The following GRK1 variants were observed in gnomAD, a reference collection of about 807,000 sequenced individuals.
GRK1 encodes G protein-coupled receptor kinase 1, also known as rhodopsin kinase GRK1.
A neutral mutation model predicts 41.7 loss-of-function variants in GRK1; 28 were observed. That is an observed-to-expected ratio of 0.67 (90% CI 0.50 to 0.92). The LOEUF is 0.92. Among genes scored for constraint, GRK1 ranks in the 40% least tolerant of loss-of-function variants. The probability of loss-of-function intolerance (pLI) is 0.00; values close to 1 mark genes in which losing one functional copy is unlikely to be tolerated. For missense variants in GRK1, 703 were observed against 671.2 expected (o/e 1.05, Z -0.52); for synonymous variants, 327 against 286.7 (o/e 1.14, Z -1.42).
At position 113,731,262 on chromosome 13, in the gene GRK1, C is replaced by T. The variant is rs1380956316; in HGVS notation, c.1113C>T (p.Phe371=). Residue 371 remains phenylalanine, a synonymous_variant, in exon 5 of 7, where the codon TTC becomes TTT. Coordinates refer to ENST00000335678, the MANE Select transcript of GRK1 (RefSeq NM_002929.3). This position sits in a 1 kb window ranked among gnomAD's most constrained non-coding sequence, Gnocchi z 5.6. ...PELLQGEEYD[F]SVDYFALGVT... ...TCCTGCAGGGCGAGGAGTACGACTT[C>T]TCCGTGGACTACTTTGCCCTGGGGG... 3.3e-6 allele frequency: 5 copies of T among 1,537,160 alleles called. No homozygotes were observed. The South Asian group carries it at 4.8e-5, about 15-fold the overall frequency.
chr13:113,650,346 C>A, the GRK1 span: 1 of 1,501,594 alleles, frequency 6.7e-7, no homozygotes, highest in Non-Finnish European at 9.3e-7. This position sits in a 1 kb window ranked among gnomAD's most constrained non-coding sequence, Gnocchi z 5.0. Flanking sequence ...GCTTTCCTTT[C>A]GCTAAGTGTG....
At position 113,667,643 on chromosome 13, in the gene GRK1, T is replaced by C. The variant is rs1205350991; in HGVS notation, c.257T>C (p.Leu86Pro). 6.2e-7 allele frequency: 1 copy of C among 1,613,524 alleles called. No individual in the cohort carries two copies. Among genetic ancestry groups the C allele is most frequent in the South Asian group, 1.1e-5 (1 of 91,082 alleles). The part of the protein sequence containing the change: ...LQSAEKHLPA[L>P]ELWKDIEDYD... Reference sequence around the variant, plus strand: ...TCGGCAGAGAAGCACCTGCCGGCCCTGGAGCTCTGGAAAGACATCGAGGAC... The same window carrying C: ...TCGGCAGAGAAGCACCTGCCGGCCCCGGAGCTCTGGAAAGACATCGAGGAC... The change falls in exon 1 of 7, where the codon CTG (leucine) becomes CCG (proline). Residue 86 changes from leucine (L) to proline (P), a missense_variant. Transcript: ENST00000335678. This position sits in a 1 kb window ranked among gnomAD's most constrained non-coding sequence, Gnocchi z 7.5.
At chr13:113,657,145 G>A in the GRK1 span, among the ~76,000 whole-genome samples, 8 of 152,242 alleles carry the variant, frequency 5.3e-5, no homozygotes, top group South Asian at 2.1e-4. Context: ...TTCCCAGCAC[G>A]TCTCAGCTAC....
At chr13:113,658,039 G>A in the GRK1 span, 195 of 1,600,644 alleles carry the variant, frequency 1.2e-4, no homozygotes, top group South Asian at 6.7e-4. Flanking sequence ...GTACCCCACC[G>A]GGACAGGGTG....
At position 113,736,871 on chromosome 13, in the gene GRK1, T is replaced by C; in HGVS notation, c.*1508T>C. ...GGTGAGAGGGGCCGCGGCAAGTGGCTGATGATGTGACTGATGGAGACAGGG... is the reference window on the plus strand; with the variant it reads ...GGTGAGAGGGGCCGCGGCAAGTGGCCGATGATGTGACTGATGGAGACAGGG... On this transcript the variant is annotated 3_prime_UTR_variant, in exon 7 of 7. Coordinates refer to ENST00000335678, the MANE Select transcript of GRK1 (RefSeq NM_002929.3). The C allele has an allele frequency of 6.6e-6, 1 of 152,544 alleles. No homozygotes were observed. Among genetic ancestry groups the C allele is most frequent in the Non-Finnish European group, 1.5e-5 (1 of 68,192 alleles). The allele number at this position is 152,544 out of a possible 1,614,324, so 9.4% of individuals were successfully genotyped here.
rs907176415 is a variant in GRK1, at chr13:113,731,696, C to T, written c.1194+353C>T. Among the ~76,000 whole-genome samples, 1 of 152,168 alleles carries T rather than the reference C, an allele frequency of 6.6e-6. No individual in the cohort carries two copies. Among genetic ancestry groups the T allele is most frequent in the African/African-American group, 2.4e-5 (1 of 41,442 alleles). On this transcript the variant is annotated intron_variant, in intron 5 of 6. Coordinates refer to ENST00000335678, the MANE Select transcript of GRK1 (RefSeq NM_002929.3). This position sits in a 1 kb window ranked among gnomAD's most constrained non-coding sequence, Gnocchi z 5.6. ...GTGCAGACCGGAGGAGGGAGGGCGA[C>T]TTATCCCACTGTTGCCCCAGACCCT...
In GRK1 at chr13:113,735,480, C is replaced by T; in HGVS notation, c.*117C>T. 7 of 1,180,444 alleles carry T rather than the reference C, an allele frequency of 5.9e-6. No individual in the cohort carries two copies. The highest frequency in any genetic ancestry group is 8.0e-6 in the Non-Finnish European group (7 of 879,406). The allele number at this position is 1,180,444 out of a possible 1,614,324, so 73.1% of individuals were successfully genotyped here. A position where few individuals can be genotyped will look rare whatever the true frequency, so the allele number is the denominator to read the frequency against. ...AAGGGGACACGTGGTTCCCTCCACC[C>T]AGGTCCCCATCACGCCATCTCCTTG... On this transcript the variant is annotated 3_prime_UTR_variant, in exon 7 of 7. Transcript: ENST00000335678.
rs911508795 is a variant in GRK1, at chr13:113,735,056, T to G, written c.1397-12T>G. 2.0e-6 allele frequency: 3 copies of G among 1,485,492 alleles called. No individual in the cohort carries two copies. Among genetic ancestry groups the G allele is most frequent in the Admixed American group, 4.4e-5 (2 of 45,594 alleles). 92.0% of individuals were successfully genotyped at this position (1,485,492 alleles called of 1,614,324 possible). On this transcript the variant is annotated splice_polypyrimidine_tract_variant and intron_variant, in intron 6 of 6. Transcript: ENST00000335678. Reference sequence around the variant, plus strand: ...CGAGGAGCCTGGCGTCTGTGTTTTCTGTCTCCCACAGGGATGCTGATGCCC... The same window carrying G: ...CGAGGAGCCTGGCGTCTGTGTTTTCGGTCTCCCACAGGGATGCTGATGCCC...
chr13:113,725,298 C>A (rs1053225461), intron 4 of GRK1, among the ~76,000 whole-genome samples: 15 of 150,444 alleles, frequency 1.0e-4, no homozygotes, highest in African/African-American at 3.5e-4. Context: ...CATGCGCGGT[C>A]CTAGTTTGAG....
chr13:113,667,796 G>T lies in GRK1; in HGVS notation c.410G>T (p.Gly137Val), dbSNP rs1316088721. 1.2e-6 allele frequency: 2 copies of T among 1,608,292 alleles called. No homozygotes were observed. Among genetic ancestry groups the T allele is most frequent in the Admixed American group, 3.4e-5 (2 of 59,528 alleles). ...GGGATAGTGGCGAAGTTTAAGGAGG[G>T]GCCTGTGGAGATCCAGGACGGGCTC... ...DEGIVAKFKE[G>V]PVEIQDGLFQ... is the part of the protein sequence containing the mutation. The change falls in exon 1 of 7, where the codon GGG becomes GTG. Residue 137 changes from glycine (G) to valine (V), a missense_variant. Gly to Val is a moderately radical substitution (Grantham distance 109). Transcript: ENST00000335678. This position sits in a 1 kb window ranked among gnomAD's most constrained non-coding sequence, Gnocchi z 7.5.
intron 5 of GRK1, among the ~76,000 whole-genome samples, chr13:113,732,534 C>T (rs2049944467): frequency 6.6e-6 from 1 of 152,352 alleles, no homozygotes; most frequent in African/African-American, 2.4e-5. Context: ...GCCACCGAGG[C>T]TTCCGTCCAC....
the GRK1 span, among the ~76,000 whole-genome samples, chr13:113,657,402 A>T: frequency 6.6e-6 from 1 of 152,198 alleles, no homozygotes. Context: ...GGCAGCCCTG[A>T]TGTAGACGCA....
At chr13:113,651,682 A>T in the GRK1 span, 1 of 1,613,398 alleles carries the variant, frequency 6.2e-7, no homozygotes. Flanking sequence ...AGGAAGGCGC[A>T]GTCCACTCTG....
chr13:113,731,274 C>T lies in GRK1; in HGVS notation c.1125C>T (p.Tyr375=). The change falls in exon 5 of 7, where the codon TAC becomes TAT. Residue 375 remains tyrosine (Y), a synonymous_variant. Coordinates refer to ENST00000335678, the MANE Select transcript of GRK1 (RefSeq NM_002929.3). This position sits in a 1 kb window ranked among gnomAD's most constrained non-coding sequence, Gnocchi z 5.6. ...AGGAGTACGACTTCTCCGTGGACTA[C>T]TTTGCCCTGGGGGTCACCCTGTATG... ...QGEEYDFSVD[Y]FALGVTLYEM... is the part of the protein sequence containing the mutation. 1 of 1,537,156 alleles carries T rather than the reference C, an allele frequency of 6.5e-7. No individual in the cohort carries two copies. Among genetic ancestry groups the T allele is most frequent in the Admixed American group, 2.0e-5 (1 of 51,002 alleles).
At chr13:113,661,794 T>C in the GRK1 span, among the ~76,000 whole-genome samples, 1 of 152,196 alleles carries the variant, frequency 6.6e-6, no homozygotes, top group African/African-American at 2.4e-5. Context: ...AAATAGATAA[T>C]GTAAATAGCC....
the GRK1 span, chr13:113,649,503 C>T: frequency 1.9e-6 from 3 of 1,544,320 alleles, no homozygotes; most frequent in Non-Finnish European, 2.6e-6. This position sits in a 1 kb window ranked among gnomAD's most constrained non-coding sequence, Gnocchi z 4.7. Context: ...TGTTGAGGAG[C>T]TTCGCTGCCA....
At chr13:113,651,671 C>G in the GRK1 span, 4 of 1,612,346 alleles carry the variant, frequency 2.5e-6, no homozygotes, top group Non-Finnish European at 3.4e-6. Context: ...CCGTACTCAC[C>G]AGGAAGGCGC....
intron 4 of GRK1, among the ~76,000 whole-genome samples, chr13:113,725,200 G>C (rs1175156333): frequency 6.6e-6 from 1 of 152,282 alleles, no homozygotes; most frequent in South Asian, 2.1e-4. Context: ...CACGCAGCGA[G>C]AGACACCACA....
Position 113,735,718 on chromosome 13 carries a change from G to A in GRK1, c.*355G>A, listed in dbSNP as rs578110727. 2.6e-5 allele frequency: 5 copies of A among 190,868 alleles called. No individual in the cohort carries two copies. The highest frequency in any genetic ancestry group is 1.2e-4 in the East Asian group (1 of 8,166). The allele number at this position is 190,868 out of a possible 1,614,324, so 11.8% of individuals were successfully genotyped here. A position where few individuals can be genotyped will look rare whatever the true frequency, so the allele number is the denominator to read the frequency against. ...ACCGTGTGGTCAGGGGCAGAGACTC[G>A]GTTTTGGCCTCCCAAGACCTTAGCC... On this transcript the variant is annotated 3_prime_UTR_variant, in exon 7 of 7. Transcript: ENST00000335678.
Sources: allele counts gnomAD v4.1 joint callset (sites outside exome capture counted in the v4.1 genomes callset), GRCh38; gene constraint gnomAD v4.1.1; non-coding constraint Gnocchi (gnomAD v3.1); transcripts MANE v1.5; gene names NCBI Gene and HGNC (gene_info 2026-07-23, HGNC 2026-07-21).